Variants in RREB1 observed in about 807,000 individuals in gnomAD.
RREB1 encodes the protein ras-responsive element-binding protein 1.
In RREB1, 27 loss-of-function variants were observed where a neutral mutation model predicts 117.8. The observed-to-expected ratio is 0.23, with a 90% CI of 0.17 to 0.32. The LOEUF (loss-of-function observed/expected upper bound fraction) is 0.32. RREB1 is among the 10% of genes least tolerant of loss of function. The pLI, the probability that RREB1 is intolerant of heterozygous loss-of-function variation, is 1.00. For missense variants in RREB1, 2,577 were observed against 2,378.2 expected (o/e 1.08, Z -1.74); for synonymous variants, 1,298 against 1,026.7 (o/e 1.26, Z -5.05).
chr6:7,231,597 C>T lies in RREB1; in HGVS notation c.3498C>T (p.Asn1166=). Residue 1166 remains asparagine (N), a synonymous_variant, in exon 10 of 13, where the codon AAC becomes AAT. Coordinates refer to ENST00000379938, the MANE Select transcript of RREB1 (RefSeq NM_001003699.4). ...KRGMRSRPRA[N]SGGVDLDSSG... ...GGATGAGGAGCCGACCCCGCGCCAA[C>T]AGCGGCGGGGTGGACCTGGACTCCA... 6.2e-7 allele frequency: 1 copy of T among 1,612,122 alleles called. No individual in the cohort carries two copies. The highest frequency in any genetic ancestry group is 8.5e-7 in the Non-Finnish European group (1 of 1,179,556).
rs147392690 is a variant in RREB1 at position 7,161,716 on chromosome 6, C to T, written c.-284-14939C>T. On this transcript the variant is annotated intron_variant, in intron 1 of 12. Transcript: ENST00000379938. ...ACTTGATAACCATCCATGCTCTTTA[C>T]TCTCTCCTGTCCTGGGAGCTCTCTT... Among the ~76,000 whole-genome samples, 462 of 152,310 alleles carry T rather than the reference C, an allele frequency of 3.0e-3. 3 individuals carry two copies. Among genetic ancestry groups the T allele is most frequent in the African/African-American group, 0.01 (433 of 41,560 alleles).
chr6:7,242,841 A>C lies in RREB1; in HGVS notation c.3973+2239A>C, dbSNP rs542996174. Among the ~76,000 whole-genome samples, 165 of 152,274 alleles carry C rather than the reference A, an allele frequency of 1.1e-3. 1 individual carries two copies. The highest frequency in any genetic ancestry group is 3.2e-3 in the African/African-American group (131 of 41,536). On this transcript the variant is annotated intron_variant, in intron 11 of 12. Coordinates refer to ENST00000379938, the MANE Select transcript of RREB1 (RefSeq NM_001003699.4). ...TTTCAGTCTCATAAAGTCCCCCAAA[A>C]GAATGCTAAAAATGCCACAGTGGGG... is the stretch of plus-strand genomic sequence containing the variant.
intron 1 of RREB1, among the ~76,000 whole-genome samples, chr6:7,164,497 C>G (rs1406277148): frequency 6.6e-6 from 1 of 152,164 alleles, no homozygotes; most frequent in Non-Finnish European, 1.5e-5. Flanking sequence ...TGATGGGATG[C>G]CAAGAAAATG....
intron 1 of RREB1, among the ~76,000 whole-genome samples, chr6:7,157,885 A>G (rs932879323): frequency 6.6e-6 from 1 of 151,612 alleles, no homozygotes; most frequent in Non-Finnish European, 1.5e-5. Flanking sequence ...ATGCCTTCAC[A>G]TTTGTCTGGA....
At chr6:7,181,661 G>A (rs2113529984) in intron 3 of RREB1, 1 of 605,798 alleles carries the variant, frequency 1.7e-6, no homozygotes, top group Non-Finnish European at 2.9e-6. Flanking sequence ...TCAGAAAGGA[G>A]GCAAGGTTAC....
chr6:7,244,928 T>C (rs1319938848), intron 11 of RREB1, among the ~76,000 whole-genome samples: 1 of 152,154 alleles, frequency 6.6e-6, no homozygotes, highest in African/African-American at 2.4e-5. Context: ...CAGGTTGACA[T>C]TGTAGTTACA....
chr6:7,229,566 C>T lies in RREB1; in HGVS notation c.1467C>T (p.Phe489=). The change falls in exon 10 of 13, where the codon TTC becomes TTT. Residue 489 remains phenylalanine, a synonymous_variant. Coordinates refer to ENST00000379938, the MANE Select transcript of RREB1 (RefSeq NM_001003699.4). This position sits in a 1 kb window ranked among gnomAD's most constrained non-coding sequence, Gnocchi z 4.5. ...CCCCTCAGATCAGTCTTCCGCCCTTCTCCAAGGCCCCTGCCGCCCCACTGC... is the reference window on the plus strand; with the variant it reads ...CCCCTCAGATCAGTCTTCCGCCCTTTTCCAAGGCCCCTGCCGCCCCACTGC... The part of the protein sequence containing the change: ...SAPPQISLPP[F]SKAPAAPLQA... 3.1e-6 allele frequency: 5 copies of T among 1,612,742 alleles called. No individual in the cohort carries two copies. Among genetic ancestry groups the T allele is most frequent in the African/African-American group, 1.3e-5 (1 of 75,038 alleles).
At chr6:7,195,343 G>C (rs538790869) in intron 6 of RREB1, among the ~76,000 whole-genome samples, 2 of 152,060 alleles carry the variant, frequency 1.3e-5, no homozygotes, top group Non-Finnish European at 2.9e-5. Context: ...TAGCGAAACT[G>C]TACTTTTGAA....
rs1769285114 is a variant in RREB1, at chr6:7,249,055, TGAG to T, written c.*91_*93del. 1.8e-5 allele frequency: 16 copies of T among 908,076 alleles called. No homozygotes were observed. Among genetic ancestry groups the T allele is most frequent in the Non-Finnish European group, 2.3e-5 (15 of 650,640 alleles). The allele number at this position is 908,076 out of a possible 1,614,324, so 56.3% of individuals were successfully genotyped here. A position where few individuals can be genotyped will look rare whatever the true frequency, so the allele number is the denominator to read the frequency against. Reference sequence around the variant, plus strand: ...GGTTTCCTCAGTGCCCTTTGGCTGTTGAGGAGTGAGAGAGAGAGAGAGAGAGAG... The same window carrying T: ...GGTTTCCTCAGTGCCCTTTGGCTGTTGAGTGAGAGAGAGAGAGAGAGAGAG... On this transcript the variant is annotated 3_prime_UTR_variant, in exon 13 of 13. Coordinates refer to ENST00000379938, the MANE Select transcript of RREB1 (RefSeq NM_001003699.4).
intron 11 of RREB1, among the ~76,000 whole-genome samples, chr6:7,244,086 A>G (rs1243154918): frequency 6.6e-6 from 1 of 151,278 alleles, no homozygotes; most frequent in Non-Finnish European, 1.5e-5. Flanking sequence ...AACATGGTGA[A>G]ACCCTGTCTC....
At chr6:7,226,121 T>A (rs1767571922) in intron 8 of RREB1, among the ~76,000 whole-genome samples, 1 of 152,166 alleles carries the variant, frequency 6.6e-6, no homozygotes, top group African/African-American at 2.4e-5. Flanking sequence ...TCTGACATGA[T>A]CCCATTAATG....
rs568027459 is a variant in RREB1, at chr6:7,251,608, G to A, written c.*2640G>A. The A allele has an allele frequency of 2.0e-5, 3 of 151,532 alleles. No individual in the cohort carries two copies. The highest frequency in any genetic ancestry group is 3.9e-4 in the East Asian group (2 of 5,146). The allele number at this position is 151,532 out of a possible 1,614,324, so 9.4% of individuals were successfully genotyped here. On this transcript the variant is annotated 3_prime_UTR_variant, in exon 13 of 13. Coordinates refer to ENST00000379938, the MANE Select transcript of RREB1 (RefSeq NM_001003699.4). ...CCCAGAGGGCTGTGTTCCAAGCAGC[G>A]CTGGGGAAGCTACGTAACAGTCGGA...
At chr6:7,221,408 A>AGC (rs1767249508) in intron 8 of RREB1, among the ~76,000 whole-genome samples, 1 of 151,556 alleles carries the variant, frequency 6.6e-6, no homozygotes, top group Non-Finnish European at 1.5e-5. Context: ...TCCTGACCTC[A>AGC]TGATCCACCC....
Position 7,207,819 on chromosome 6 carries a change from C to T in RREB1, c.426-2985C>T, listed in dbSNP as rs111932039. On this transcript the variant is annotated intron_variant, in intron 6 of 12. Coordinates refer to ENST00000379938, the MANE Select transcript of RREB1 (RefSeq NM_001003699.4). ...TCCTCTTACACTATTTGAAGAGCTG[C>T]CACGCAGATGAGAACATGGACTGAT... is the stretch of plus-strand genomic sequence containing the variant. Among the ~76,000 whole-genome samples the T allele has an allele frequency of 1.4e-4, 21 of 152,328 alleles. 1 individual carries two copies. The highest frequency in any genetic ancestry group is 4.3e-4 in the African/African-American group (18 of 41,568).
chr6:7,141,792 G>A (rs1470507991), intron 1 of RREB1, among the ~76,000 whole-genome samples: 1 of 152,250 alleles, frequency 6.6e-6, no homozygotes, highest in Non-Finnish European at 1.5e-5. Flanking sequence ...GGAGCGGGGC[G>A]TGTGTAGGAC....
At chr6:7,213,640 C>G (rs916400199) in intron 8 of RREB1, 1 of 152,190 alleles carries the variant, frequency 6.6e-6, no homozygotes, top group Non-Finnish European at 1.5e-5. Context: ...TGAAATAGTT[C>G]TCTAGATCAA....
In RREB1 at chr6:7,249,140, C is replaced by G. The variant is rs1344360642; in HGVS notation, c.*172C>G. On this transcript the variant is annotated 3_prime_UTR_variant, in exon 13 of 13. Coordinates refer to ENST00000379938, the MANE Select transcript of RREB1 (RefSeq NM_001003699.4). ...CGTGGCTGCTCGCTCAGTGCCATAG[C>G]CTTACCGCAGCCTGCGCGGGAGGCC... The G allele has an allele frequency of 9.9e-6, 6 of 608,394 alleles. No homozygotes were observed. The East Asian group carries it at 1.7e-4, about 18-fold the overall frequency. The allele number at this position is 608,394 out of a possible 1,614,324, so 37.7% of individuals were successfully genotyped here.
In RREB1 at chr6:7,243,617, T is replaced by C. The variant is rs1202193439; in HGVS notation, c.3974-2807T>C. Among the ~76,000 whole-genome samples the C allele has an allele frequency of 3.3e-5, 5 of 152,244 alleles. No homozygotes were observed. In the East Asian group the frequency reaches 9.7e-4, roughly 29 times the overall value. Reference sequence around the variant, plus strand: ...GAATCACTAATGAAAATCAGTTGTTTAGAATGTGAAGGGCACAGCCTACAC... The same window carrying C: ...GAATCACTAATGAAAATCAGTTGTTCAGAATGTGAAGGGCACAGCCTACAC... On this transcript the variant is annotated intron_variant, in intron 11 of 12. Coordinates refer to ENST00000379938, the MANE Select transcript of RREB1 (RefSeq NM_001003699.4).
intron 6 of RREB1, among the ~76,000 whole-genome samples, chr6:7,194,355 G>A (rs575126498): frequency 6.6e-6 from 1 of 152,242 alleles, no homozygotes; most frequent in Non-Finnish European, 1.5e-5. Context: ...TTTGAGACCA[G>A]CCTGGCCAAC....
Sources: allele counts gnomAD v4.1 joint callset (sites outside exome capture counted in the v4.1 genomes callset), GRCh38; gene constraint gnomAD v4.1.1; non-coding constraint Gnocchi (gnomAD v3.1); transcripts MANE v1.5; gene names NCBI Gene and HGNC (gene_info 2026-07-23, HGNC 2026-07-21).